The following TNR variants were observed in gnomAD, a reference collection of about 807,000 sequenced individuals.
TNR encodes tenascin-R.
A neutral mutation model predicts 150.4 loss-of-function variants in TNR; 45 were observed. The ratio of observed to expected loss-of-function variants is 0.30; its 90% confidence interval spans 0.24 to 0.38. The LOEUF is 0.38. Among genes scored for constraint, TNR ranks in the 10% least tolerant of loss-of-function variants. TNR has a pLI of 1.00. For synonymous variants in TNR, 687 were observed against 678.4 expected, an observed-to-expected ratio of 1.01 and a Z score of -0.20; for missense variants, 1,544 against 1,759.1, an observed-to-expected ratio of 0.88 and a Z score of 2.19.
intron 1 of TNR, among the ~76,000 whole-genome samples, chr1:175,669,557 C>T (rs1453194144): frequency 6.6e-6 from 1 of 152,160 alleles, no homozygotes; most frequent in African/African-American, 2.4e-5. Flanking sequence ...ACAGGGCATG[C>T]AATTACCCAG....
chr1:175,600,593 C>T (rs1228877573), intron 1 of TNR, among the ~76,000 whole-genome samples: 1 of 152,198 alleles, frequency 6.6e-6, no homozygotes, highest in Non-Finnish European at 1.5e-5. Flanking sequence ...CCACCATGTA[C>T]AGTTGAGTTG....
rs1427875579 is a variant in TNR, at chr1:175,558,128, G to T, written c.-164-29759C>A. Among the ~76,000 whole-genome samples the T allele has an allele frequency of 3.4e-5, 4 of 116,330 alleles. No individual in the cohort carries two copies. In the East Asian group the frequency reaches 1.1e-3, roughly 33 times the overall value. 76.3% of individuals were successfully genotyped at this position (116,330 alleles called of 152,430 possible). A position where few individuals can be genotyped will look rare whatever the true frequency, so the allele number is the denominator to read the frequency against. On this transcript the variant is annotated intron_variant, in intron 1 of 22. Transcript: ENST00000367674. ...CACCCTCTGGGGACTGTTGTGGGGTGGGGGGAGGGGGGAGGGATAGCATTG... is the reference window on the plus strand; with the variant it reads ...CACCCTCTGGGGACTGTTGTGGGGTTGGGGGAGGGGGGAGGGATAGCATTG...
intron 1 of TNR, among the ~76,000 whole-genome samples, chr1:175,742,628 A>G (rs902075652): frequency 5.3e-5 from 8 of 152,076 alleles, no homozygotes; most frequent in African/African-American, 1.2e-4. Flanking sequence ...CCCACTTACC[A>G]TGGGTTCACA....
At chr1:175,366,253 C>T (rs1651837823) in intron 10 of TNR, 115 bp from the exon 11 acceptor site, 1 of 1,116,078 alleles carries the variant, frequency 9.0e-7, no homozygotes, top group South Asian at 1.9e-5. Context: ...TGAGCACTAG[C>T]TTGTCATTGC....
chr1:175,398,084 C>T (rs1653517618), intron 4 of TNR, among the ~76,000 whole-genome samples: 1 of 152,196 alleles, frequency 6.6e-6, no homozygotes, highest in African/African-American at 2.4e-5. Flanking sequence ...AGGCTGAGGC[C>T]AGCTGTGTTT....
chr1:175,576,379 C>T (rs898046868), intron 1 of TNR, among the ~76,000 whole-genome samples: 8 of 152,040 alleles, frequency 5.3e-5, no homozygotes, highest in South Asian at 2.1e-4. Flanking sequence ...TATTTCCGGG[C>T]GCTGGTGGGT....
At chr1:175,573,765 C>T (rs1311121056) in intron 1 of TNR, among the ~76,000 whole-genome samples, 1 of 152,138 alleles carries the variant, frequency 6.6e-6, no homozygotes, top group Admixed American at 6.5e-5. Flanking sequence ...GCTGGCAATG[C>T]ATACTCCTGG....
chr1:175,590,441 C>T (rs765871468), intron 1 of TNR, among the ~76,000 whole-genome samples: 15 of 152,210 alleles, frequency 9.9e-5, no homozygotes, highest in Non-Finnish European at 2.1e-4. Flanking sequence ...GTGCCTCACT[C>T]ACCTAACTTT....
intron 1 of TNR, among the ~76,000 whole-genome samples, chr1:175,704,078 G>A (rs1370508913): frequency 6.6e-6 from 1 of 152,168 alleles, no homozygotes; most frequent in Non-Finnish European, 1.5e-5. Flanking sequence ...ATGTTTAATG[G>A]ATACAGCATT....
intron 1 of TNR, among the ~76,000 whole-genome samples, chr1:175,635,401 A>T (rs553159970): frequency 1.6e-4 from 24 of 152,352 alleles, no homozygotes; most frequent in African/African-American, 5.8e-4. Context: ...CCTGGTTTTA[A>T]CATTTGCCTG....
At chr1:175,341,876 C>T (rs986341734) in intron 18 of TNR, among the ~76,000 whole-genome samples, 10 of 152,196 alleles carry the variant, frequency 6.6e-5, no homozygotes, top group Non-Finnish European at 1.3e-4. Context: ...GTTGACTCTC[C>T]CTTGTTAGAA....
chr1:175,664,976 T>C (rs193007102), intron 1 of TNR, among the ~76,000 whole-genome samples: 93 of 152,148 alleles, frequency 6.1e-4, no homozygotes, highest in Non-Finnish European at 1.5e-4. Context: ...CAAAAACCAG[T>C]CAAAAGGATG....
At chr1:175,419,983 C>T (rs1246437588) in intron 2 of TNR, among the ~76,000 whole-genome samples, 1 of 152,206 alleles carries the variant, frequency 6.6e-6, no homozygotes, top group East Asian at 1.9e-4. Flanking sequence ...GGGAGCTCCA[C>T]CCAGAGAGGC....
At chr1:175,374,804 C>T (rs191625914) in intron 9 of TNR, among the ~76,000 whole-genome samples, 22 of 152,240 alleles carry the variant, frequency 1.4e-4, no homozygotes, top group African/African-American at 4.3e-4. Flanking sequence ...ATGAACGGGC[C>T]CTGGGTGGTT....
At chr1:175,373,197 C>T (rs922570383) in intron 9 of TNR, among the ~76,000 whole-genome samples, 2 of 151,960 alleles carry the variant, frequency 1.3e-5, no homozygotes, top group Middle Eastern at 3.2e-3. Flanking sequence ...GGGAGGGCAT[C>T]CCAGACAAAG....
At chr1:175,382,954 A>G (rs887509267) in intron 8 of TNR, among the ~76,000 whole-genome samples, 22 of 151,876 alleles carry the variant, frequency 1.4e-4, no homozygotes, top group Admixed American at 1.4e-3. Flanking sequence ...TACAGGTGTC[A>G]GTAGGGCTGC....
chr1:175,592,806 T>A (rs960591166), intron 1 of TNR, among the ~76,000 whole-genome samples: 1 of 152,218 alleles, frequency 6.6e-6, no homozygotes, highest in Non-Finnish European at 1.5e-5. Flanking sequence ...AGTTTGGACA[T>A]TTTTATTCTT....
At chr1:175,667,930 C>G in intron 1 of TNR, among the ~76,000 whole-genome samples, 1 of 152,302 alleles carries the variant, frequency 6.6e-6, no homozygotes, top group South Asian at 2.1e-4. Context: ...TCTACTCATG[C>G]CTTGCTACTC....
intron 2 of TNR, among the ~76,000 whole-genome samples, chr1:175,495,045 G>GCATTCATTCATTCATT (rs377016114): frequency 6.6e-6 from 1 of 152,102 alleles, no homozygotes; most frequent in African/African-American, 2.4e-5. Flanking sequence ...AGGCACGGCT[G>GCATTCATTCATTCATT]CATTCATTCA....
Sources: allele counts gnomAD v4.1 joint callset (sites outside exome capture counted in the v4.1 genomes callset), GRCh38; gene constraint gnomAD v4.1.1; transcripts MANE v1.5; gene names NCBI Gene and HGNC (gene_info 2026-07-23, HGNC 2026-07-21).